Variants in NF1 observed in about 807,000 individuals in gnomAD.
NF1 encodes the protein neurofibromin.
Under a neutral mutation model 325.7 loss-of-function variants are expected in NF1, and 122 were observed. That is an observed-to-expected ratio of 0.37 (90% CI 0.32 to 0.44). NF1 has a LOEUF of 0.44. Ranked by LOEUF, NF1 falls within the 20% of genes least tolerant of loss-of-function variation. The pLI, the probability that NF1 is intolerant of heterozygous loss-of-function variation, is 1.00. For synonymous variants in NF1, 1,091 were observed against 1,186.0 expected (o/e 0.92, Z 1.65); for missense variants, 2,140 against 3,415.4 (o/e 0.63, Z 9.31).
At chr17:31,342,893 C>T (rs1296310918) in intron 47 of NF1, 116 bp from the exon 48 acceptor site, 7 of 1,313,004 alleles carry the variant, frequency 5.3e-6, no homozygotes, top group Non-Finnish European at 7.6e-6. Flanking sequence ...AAAATAATTT[C>T]TCTCAAATTG....
At position 31,258,410 on chromosome 17, in the gene NF1, A is replaced by G. The variant is rs2151461966; in HGVS notation, c.4240A>G (p.Ile1414Val). The G allele has an allele frequency of 6.2e-7, 1 of 1,613,998 alleles. No individual in the cohort carries two copies. The highest frequency in any genetic ancestry group is 8.5e-7 in the Non-Finnish European group (1 of 1,179,920). Reference sequence around the variant, plus strand: ...AGGAAGTGCCATGTTCCTCAGATTTATCAATCCTGCCATTGTCTCACCGTA... The same window carrying G: ...AGGAAGTGCCATGTTCCTCAGATTTGTCAATCCTGCCATTGTCTCACCGTA... ...AVGSAMFLRF[I>V]NPAIVSPYEA... The change falls in exon 32 of 58, where the codon ATC (isoleucine) becomes GTC (valine). Residue 1414 changes from isoleucine (I) to valine (V), a missense_variant. Physicochemically the swap from Ile to Val is conservative, Grantham distance 29 (BLOSUM62 3). Around this residue, in one of 10 missense-constraint regions of NF1, gnomAD observed 336 missense variants for 399.0 expected, o/e 0.84. Coordinates refer to ENST00000358273, the MANE Select transcript of NF1 (RefSeq NM_001042492.3).
chr17:31,171,416 T>C (rs2065925970), intron 5 of NF1, among the ~76,000 whole-genome samples: 1 of 152,208 alleles, frequency 6.6e-6, no homozygotes, highest in Admixed American at 6.5e-5. Context: ...AGTTAAGAAG[T>C]ATTAGTGGGA....
chr17:31,344,446 G>T (rs2069915462), intron 48 of NF1, among the ~76,000 whole-genome samples: 1 of 152,190 alleles, frequency 6.6e-6, no homozygotes, highest in Admixed American at 6.5e-5. Context: ...ATAAGGAGCT[G>T]GCATGAACCC....
At chr17:31,252,890 G>C in intron 30 of NF1, 48 bp from the exon 31 acceptor site, 1 of 1,444,612 alleles carries the variant, frequency 6.9e-7, no homozygotes, top group South Asian at 1.1e-5. Context: ...TTTTGTTGCT[G>C]TATGTAGTCG....
chr17:31,095,203 C>A lies in NF1; in HGVS notation c.-107C>A, dbSNP rs1456387143. The A allele has an allele frequency of 3.9e-6, 4 of 1,036,738 alleles. No individual in the cohort carries two copies. The highest frequency in any genetic ancestry group is 5.8e-6 in the Non-Finnish European group (4 of 692,962). The allele number at this position is 1,036,738 out of a possible 1,614,324, so 64.2% of individuals were successfully genotyped here. ...ACACTGGGAGCCTGCACTCCACAGA[C>A]CCTCTCCTTGCCTCTTCCCTCACCT... is the stretch of plus-strand genomic sequence containing the variant. On this transcript the variant is annotated 5_prime_UTR_variant, in exon 1 of 58. Coordinates refer to ENST00000358273, the MANE Select transcript of NF1 (RefSeq NM_001042492.3).
At chr17:31,108,495 C>T (rs751759813) in intron 1 of NF1, among the ~76,000 whole-genome samples, 11 of 151,850 alleles carry the variant, frequency 7.2e-5, no homozygotes, top group African/African-American at 1.9e-4. Flanking sequence ...AGGTTGGTCT[C>T]GAACTCCTGA....
intron 36 of NF1, chr17:31,296,407 G>T: frequency 6.6e-7 from 1 of 1,507,104 alleles, no homozygotes; most frequent in Non-Finnish European, 9.2e-7. Flanking sequence ...GGGTCAGTTA[G>T]CATTAGGCAA....
At chr17:31,200,799 A>G (rs886839821) in intron 9 of NF1, among the ~76,000 whole-genome samples, 1 of 152,244 alleles carries the variant, frequency 6.6e-6, no homozygotes, top group Non-Finnish European at 1.5e-5. Flanking sequence ...TTAAATAAGC[A>G]TAAATATACA....
chr17:31,350,834 G>T (rs1291669915), intron 50 of NF1, among the ~76,000 whole-genome samples: 1 of 152,058 alleles, frequency 6.6e-6, no homozygotes, highest in African/African-American at 2.4e-5. Context: ...ATAATTTAGA[G>T]AAATTTCATG....
rs587782639 is a variant in NF1 at position 31,232,068 on chromosome 17, T to C, written c.3198-5T>C. On this transcript the variant is annotated splice_region_variant and splice_polypyrimidine_tract_variant and intron_variant, in intron 24 of 57. Coordinates refer to ENST00000358273, the MANE Select transcript of NF1 (RefSeq NM_001042492.3). ...ATTTTTTTTTTTTTTTTTTTTTTTTTTCAGAGATTTGGACCAGGCAAGCAT... is the reference window on the plus strand; with the variant it reads ...ATTTTTTTTTTTTTTTTTTTTTTTTCTCAGAGATTTGGACCAGGCAAGCAT... The C allele has an allele frequency of 2.1e-6, 3 of 1,406,106 alleles. No homozygotes were observed. The highest frequency in any genetic ancestry group is 2.9e-6 in the Non-Finnish European group (3 of 1,033,414). The allele number at this position is 1,406,106 out of a possible 1,614,324, so 87.1% of individuals were successfully genotyped here.
At position 31,350,317 on chromosome 17, in the gene NF1, A is replaced by T; in HGVS notation, c.7456A>T (p.Arg2486Trp). The T allele has an allele frequency of 6.2e-7, 1 of 1,611,722 alleles. No individual in the cohort carries two copies. ...CATTCATCATGGTGACCCTTCCTAT[A>T]GGTAAGTGGATTTACTCTCCTATAA... is the stretch of plus-strand genomic sequence containing the variant. The part of the protein sequence containing the change: ...YPIHHGDPSY[R>W]TLKETQPWSS... Residue 2486 changes from arginine (R) to tryptophan (W), a missense_variant and splice_region_variant, in exon 50 of 58, where the codon AGG (arginine) becomes TGG (tryptophan). Arg to Trp is a moderately radical substitution (Grantham distance 101). Around this residue, in one of 10 missense-constraint regions of NF1, gnomAD observed 522 missense variants for 749.0 expected, o/e 0.70. Coordinates refer to ENST00000358273, the MANE Select transcript of NF1 (RefSeq NM_001042492.3).
intron 36 of NF1, among the ~76,000 whole-genome samples, chr17:31,282,232 A>T (rs1264483508): frequency 6.6e-6 from 1 of 151,832 alleles, no homozygotes; most frequent in African/African-American, 2.4e-5. Context: ...AATACAAAAA[A>T]TCAGCTGGGC....
At chr17:31,169,562 T>A (rs553138865) in intron 4 of NF1, among the ~76,000 whole-genome samples, 5 of 152,282 alleles carry the variant, frequency 3.3e-5, no homozygotes, top group African/African-American at 1.2e-4. Context: ...TTGTTTTTTT[T>A]AAGAGATAGG....
intron 57 of NF1, among the ~76,000 whole-genome samples, chr17:31,373,173 A>G (rs2070677503): frequency 6.6e-6 from 1 of 152,166 alleles, no homozygotes; most frequent in African/African-American, 2.4e-5. Flanking sequence ...GTGATATATT[A>G]TTTTCTCAGT....
intron 1 of NF1, among the ~76,000 whole-genome samples, chr17:31,100,869 G>A (rs1912262773): frequency 6.6e-6 from 1 of 152,016 alleles, no homozygotes; most frequent in Non-Finnish European, 1.5e-5. Context: ...TGCCCGGCCC[G>A]GAATTCATCC....
chr17:31,251,419 ACCTT>A, intron 30 of NF1: 1 of 198,648 alleles, frequency 5.0e-6, no homozygotes, highest in Non-Finnish European at 1.0e-5. Flanking sequence ...TACTTTATAT[ACCTT>A]CCTTCCTTAG....
chr17:31,321,068 C>T (rs895826641), intron 36 of NF1: 4 of 152,160 alleles, frequency 2.6e-5, no homozygotes, highest in African/African-American at 9.7e-5. Context: ...TTACAAATGC[C>T]TGAGAATTGA....
At chr17:31,324,930 T>G (rs1006011756) in intron 36 of NF1, among the ~76,000 whole-genome samples, 11 of 152,238 alleles carry the variant, frequency 7.2e-5, no homozygotes, top group Admixed American at 3.9e-4. Context: ...CTTAGTAGTA[T>G]TATCACCAGA....
chr17:31,249,961 C>G, intron 30 of NF1: 2 of 490,066 alleles, frequency 4.1e-6, no homozygotes, highest in Non-Finnish European at 8.1e-6. Flanking sequence ...GCAGAGTCAT[C>G]GCAGCCATTT....
Sources: allele counts gnomAD v4.1 joint callset (sites outside exome capture counted in the v4.1 genomes callset), GRCh38; gene constraint gnomAD v4.1.1; regional missense constraint gnomAD v4.1.1; transcripts MANE v1.5; gene names NCBI Gene and HGNC (gene_info 2026-07-23, HGNC 2026-07-21).